ALB: variants seen among roughly 807,000 people sequenced by gnomAD.
ALB encodes albumin.
A neutral mutation model predicts 74.5 loss-of-function variants in ALB; 37 were observed. The ratio of observed to expected loss-of-function variants is 0.50; its 90% CI spans 0.38 to 0.65. The LOEUF (loss-of-function observed/expected upper bound fraction) is 0.65. Ranked by LOEUF, ALB falls within the 30% of genes least tolerant of loss-of-function variation. The pLI is 0.00. For synonymous variants in ALB, 249 were observed against 251.6 expected (o/e 0.99, Z 0.10); for missense variants, 685 against 718.7 (o/e 0.95, Z 0.54).
In ALB at chr4:73,404,398, G is replaced by T. The variant is rs74821926; in HGVS notation, c.71G>T (p.Arg24Leu). 5 of 1,611,952 alleles carry T rather than the reference G, an allele frequency of 3.1e-6. No homozygotes were observed. In the South Asian group the frequency reaches 5.5e-5, roughly 18 times the overall value. Reference protein sequence around the residue: ...SSAYSRGVFRRDAHKSEVAHR... With the variant: ...SSAYSRGVFRLDAHKSEVAHR... ...GCTTATTCCAGGGGTGTGTTTCGTC[G>T]AGATGCACGTAAGAAATCCATTTTT... The change falls in exon 1 of 15, where the codon CGA becomes CTA. Residue 24 changes from arginine (R) to leucine (L), a missense_variant. Physicochemically the swap from Arg to Leu is moderately radical, Grantham distance 102. Transcript: ENST00000295897.
intron 2 of ALB, 117 bp downstream of exon 2, chr4:73,405,290 A>G: frequency 2.3e-6 from 2 of 874,234 alleles, no homozygotes; most frequent in South Asian, 3.0e-5. Context: ...GCTGCCTCGT[A>G]GAGTTTTCTG....
chr4:73,406,354 A>C (rs56349598), intron 2 of ALB, among the ~76,000 whole-genome samples: 577 of 152,356 alleles, frequency 3.8e-3, no homozygotes, highest in African/African-American at 0.011. Flanking sequence ...TCTATTTGGC[A>C]TACAATTTGC....
rs1718662130 is a variant in ALB, at chr4:73,404,319, T to G, written c.-9T>G. The G allele has an allele frequency of 6.2e-7, 1 of 1,611,866 alleles. No individual in the cohort carries two copies. Among genetic ancestry groups the G allele is most frequent in the East Asian group, 2.2e-5 (1 of 44,812 alleles). On this transcript the variant is annotated 5_prime_UTR_variant, in exon 1 of 15. Transcript: ENST00000295897. Reference sequence around the variant, plus strand: ...TTCTCTTCTGTCAACCCCACACGCCTTTGGCACAATGAAGTGGGTAACCTT... The same window carrying G: ...TTCTCTTCTGTCAACCCCACACGCCGTTGGCACAATGAAGTGGGTAACCTT...
chr4:73,419,229 A>G, intron 12 of ALB: 1 of 325,034 alleles, frequency 3.1e-6, no homozygotes. Context: ...TACTGAAAAG[A>G]AATTTGTTGA....
chr4:73,417,617 G>A lies in ALB; in HGVS notation c.1376G>A (p.Ser459Asn). Residue 459 changes from serine (S) to asparagine (N), a missense_variant, in exon 11 of 15, where the codon AGC (serine) becomes AAC (asparagine). Physicochemically the swap from Ser to Asn is conservative, Grantham distance 46 (BLOSUM62 1). Transcript: ENST00000295897. ...TCAAGAAACCTAGGAAAAGTGGGCA[G>A]CAAATGTTGTAAACATCCTGAAGCA... The part of the protein sequence containing the change: ...EVSRNLGKVG[S>N]KCCKHPEAKR... 6.2e-7 allele frequency: 1 copy of A among 1,613,884 alleles called. No individual in the cohort carries two copies. Among genetic ancestry groups the A allele is most frequent in the East Asian group, 2.2e-5 (1 of 44,866 alleles).
chr4:73,404,398 G>A lies in ALB; in HGVS notation c.71G>A (p.Arg24Gln), dbSNP rs74821926. Residue 24 changes from arginine to glutamine, a missense_variant, in exon 1 of 15, where the codon CGA becomes CAA. Arg to Gln is a conservative substitution (Grantham distance 43). Transcript: ENST00000295897. The stretch of plus-strand genomic sequence containing the variant: ...GCTTATTCCAGGGGTGTGTTTCGTC[G>A]AGATGCACGTAAGAAATCCATTTTT... ...SSAYSRGVFR[R>Q]DAHKSEVAHR... 2.9e-5 allele frequency: 46 copies of A among 1,611,834 alleles called. No homozygotes were observed. Among genetic ancestry groups the A allele is most frequent in the South Asian group, 4.4e-5 (4 of 91,020 alleles).
intron 12 of ALB, 137 bp from the exon 13 acceptor site, chr4:73,419,370 C>CTGGCT: frequency 1.1e-6 from 1 of 903,500 alleles, no homozygotes; most frequent in Non-Finnish European, 1.6e-6. Flanking sequence ...ATGCCTGAGC[C>CTGGCT]CCAAAGTACT....
intron 9 of ALB, chr4:73,415,538 G>T (rs1041872673): frequency 4.4e-6 from 1 of 224,918 alleles, no homozygotes; most frequent in East Asian, 1.2e-4. Context: ...GTATCTTATG[G>T]CAAATTATAG....
chr4:73,408,149 C>A (rs181491186), intron 3 of ALB, among the ~76,000 whole-genome samples: 1 of 151,990 alleles, frequency 6.6e-6, no homozygotes, highest in Non-Finnish European at 1.5e-5. Flanking sequence ...TGTGTTACTC[C>A]TCAGTTTTCA....
rs1330676658 is a variant in ALB, at chr4:73,415,080, G to A, written c.1104G>A (p.Val368=). Residue 368 remains valine (V), a synonymous_variant, in exon 9 of 15, where the codon GTG becomes GTA. Transcript: ENST00000295897. ...YARRHPDYSV[V]LLLRLAKTYE... ...GAAGGCATCCTGATTACTCTGTCGT[G>A]CTGCTGCTGAGACTTGCCAAGACAT... 1.2e-6 allele frequency: 2 copies of A among 1,614,036 alleles called. No individual in the cohort carries two copies. Among genetic ancestry groups the A allele is most frequent in the East Asian group, 2.2e-5 (1 of 44,880 alleles).
At position 73,419,505 on chromosome 4, in the gene ALB, A is replaced by G; in HGVS notation, c.1653-2A>G. The G allele has an allele frequency of 6.2e-7, 1 of 1,611,530 alleles. No homozygotes were observed. The highest frequency in any genetic ancestry group is 8.5e-7 in the Non-Finnish European group (1 of 1,179,150). On this transcript the variant is annotated splice_acceptor_variant, in intron 12 of 14. Transcript: ENST00000295897. LOFTEE classifies it high-confidence loss of function. ...TTTTTTTCTTTTTCCATTCAAACTC[A>G]GTGCACTTGTTGAGCTCGTGAAACA... is the stretch of plus-strand genomic sequence containing the variant.
Position 73,415,021 on chromosome 4 carries a change from T to C in ALB, c.1059-14T>C, listed in dbSNP as rs1454252654. The C allele has an allele frequency of 6.2e-7, 1 of 1,613,630 alleles. No individual in the cohort carries two copies. Among genetic ancestry groups the C allele is most frequent in the Non-Finnish European group, 8.5e-7 (1 of 1,179,682 alleles). ...TTTGTCCAACAAAGTCTATTTTATTTTCATCTTAATTAGGTTTTTGTATGA... is the reference window on the plus strand; with the variant it reads ...TTTGTCCAACAAAGTCTATTTTATTCTCATCTTAATTAGGTTTTTGTATGA... On this transcript the variant is annotated splice_polypyrimidine_tract_variant and intron_variant, in intron 8 of 14. Coordinates refer to ENST00000295897, the MANE Select transcript of ALB (RefSeq NM_000477.7).
At position 73,419,534 on chromosome 4, in the gene ALB, G is replaced by A. The variant is rs57636959; in HGVS notation, c.1680G>A (p.Lys560=). 62 of 1,612,432 alleles carry A rather than the reference G, an allele frequency of 3.8e-5. No individual in the cohort carries two copies. The highest frequency in any genetic ancestry group is 5.1e-5 in the Non-Finnish European group (60 of 1,179,468). ...QTALVELVKH[K]PKATKEQLKA... Reference sequence around the variant, plus strand: ...CACTTGTTGAGCTCGTGAAACACAAGCCCAAGGCAACAAAAGAGCAACTGA... The same window carrying A: ...CACTTGTTGAGCTCGTGAAACACAAACCCAAGGCAACAAAAGAGCAACTGA... Residue 560 remains lysine, a synonymous_variant, in exon 13 of 15, where the codon AAG becomes AAA. Transcript: ENST00000295897.
At chr4:73,413,279 GCAAA>G (rs1718924452) in intron 7 of ALB, 137 bp from the exon 8 acceptor site, 10 of 804,688 alleles carry the variant, frequency 1.2e-5, no homozygotes, top group East Asian at 2.7e-5. Flanking sequence ...AGGTTTAGGA[GCAAA>G]CAGAGTATGT....
chr4:73,412,763 G>T (rs527605990), intron 7 of ALB, among the ~76,000 whole-genome samples: 1 of 152,300 alleles, frequency 6.6e-6, no homozygotes, highest in South Asian at 2.1e-4. Flanking sequence ...TTTTTTGAGG[G>T]AGGTAGGTGG....
intron 9 of ALB, among the ~76,000 whole-genome samples, chr4:73,415,815 CTAATAA>C (rs532231233): frequency 3.9e-5 from 6 of 152,174 alleles, no homozygotes; most frequent in African/African-American, 1.2e-4. Context: ...GAAAGGTGAA[CTAATAA>C]TAATAATATG....
chr4:73,405,889 A>G (rs1341580400), intron 2 of ALB, among the ~76,000 whole-genome samples: 3 of 151,814 alleles, frequency 2.0e-5, no homozygotes, highest in African/African-American at 7.3e-5. Context: ...CGCCCGGCCT[A>G]TTTAAATGTT....
chr4:73,410,897 G>C (rs1044620425), intron 6 of ALB, among the ~76,000 whole-genome samples: 3 of 151,810 alleles, frequency 2.0e-5, no homozygotes, highest in African/African-American at 7.3e-5. Context: ...AAAACTATTT[G>C]CTTGTCCTTT....
intron 11 of ALB, among the ~76,000 whole-genome samples, 181 bp downstream of exon 11, chr4:73,417,850 ATTT>A (rs371597764): frequency 2.1e-5 from 3 of 140,236 alleles, no homozygotes. Context: ...GAGGATGATA[ATTT>A]TTTTTTTTTT....
Sources: gnomAD v4.1 joint callset for allele counts (sites outside exome capture counted in the v4.1 genomes callset) on GRCh38, gnomAD v4.1.1 for gene constraint, MANE v1.5 for transcripts, NCBI Gene and HGNC (gene_info 2026-07-23, HGNC 2026-07-21) for gene names.